The following PDE8B variants were observed in gnomAD, a reference collection of about 807,000 sequenced individuals.
The protein encoded by PDE8B is high affinity cAMP-specific and IBMX-insensitive 3',5'-cyclic phosphodiesterase 8B.
In PDE8B, 26 loss-of-function variants were observed where a neutral mutation model predicts 101.3. The observed-to-expected ratio is 0.26, with a 90% CI of 0.19 to 0.36. The LOEUF is 0.36. Among genes scored for constraint, PDE8B ranks in the 10% least tolerant of loss-of-function variants. PDE8B has a pLI of 1.00. For missense variants in PDE8B, 810 were observed against 1,163.1 expected, an observed-to-expected ratio of 0.70 and a Z score of 4.42; for synonymous variants, 424 against 429.3, an observed-to-expected ratio of 0.99 and a Z score of 0.15.
At position 77,217,622 on chromosome 5, in the gene PDE8B, G is replaced by A. The variant is rs145081261; in HGVS notation, c.339+6358G>A. ...GTGATCTCAGCTAACTGCAACCTCC[G>A]CCTCCCAGGCTGAAGCTATCCTCCT... On this transcript the variant is annotated intron_variant, in intron 1 of 21. Coordinates refer to ENST00000264917, the MANE Select transcript of PDE8B (RefSeq NM_003719.5). Among the ~76,000 whole-genome samples the A allele has an allele frequency of 9.0e-3, 1,363 of 151,214 alleles. 20 individuals carry two copies. Among genetic ancestry groups the A allele is most frequent in the African/African-American group, 0.031 (1,259 of 41,092 alleles).
rs184265580 is a variant in PDE8B, at chr5:77,387,905, G to A, written c.1168-12343G>A. ...TGTGTATGCTTCATGAAGTTCTCGTGCTGTGTTTTTCAGCTACATCAGGTC... is the reference window on the plus strand; with the variant it reads ...TGTGTATGCTTCATGAAGTTCTCGTACTGTGTTTTTCAGCTACATCAGGTC... On this transcript the variant is annotated intron_variant, in intron 10 of 21. Transcript: ENST00000264917. 1.1e-4 allele frequency among the ~76,000 whole-genome samples: 16 copies of A among 152,048 alleles called. 1 individual carries two copies. In the East Asian group the frequency reaches 2.7e-3, roughly 26 times the overall value.
chr5:77,393,695 T>A (rs1449407974), intron 10 of PDE8B, among the ~76,000 whole-genome samples: 1 of 152,228 alleles, frequency 6.6e-6, no homozygotes, highest in Admixed American at 6.5e-5. Context: ...AATTTTGGAT[T>A]TGACATTTTA....
chr5:77,220,005 T>C (rs1409067935), intron 1 of PDE8B, among the ~76,000 whole-genome samples: 1 of 152,146 alleles, frequency 6.6e-6, no homozygotes, highest in East Asian at 1.9e-4. Context: ...CTCTAGGAAG[T>C]GTTGCTGGGA....
chr5:77,281,356 A>C (rs1764959493), intron 1 of PDE8B, among the ~76,000 whole-genome samples: 1 of 152,220 alleles, frequency 6.6e-6, no homozygotes, highest in African/African-American at 2.4e-5. Flanking sequence ...AAATTGCCGC[A>C]AATTTAATGA....
At chr5:77,121,881 G>A in the PDE8B span, among the ~76,000 whole-genome samples, 3 of 152,156 alleles carry the variant, frequency 2.0e-5, no homozygotes, top group Admixed American at 6.6e-5. Context: ...TTTCCATTAC[G>A]TTTCACCTTT....
the PDE8B span, among the ~76,000 whole-genome samples, chr5:77,162,664 G>A: frequency 1.3e-5 from 2 of 152,148 alleles, no homozygotes; most frequent in Non-Finnish European, 2.9e-5. Flanking sequence ...GTTAATGAGA[G>A]TATTCTTCAT....
At chr5:77,233,475 T>C (rs758758957) in intron 1 of PDE8B, among the ~76,000 whole-genome samples, 4 of 152,168 alleles carry the variant, frequency 2.6e-5, no homozygotes, top group Non-Finnish European at 4.4e-5. Context: ...CATTGTAAGA[T>C]ATCAATGGAT....
the PDE8B span, chr5:77,092,666 C>T: frequency 2.0e-5 from 3 of 152,242 alleles, no homozygotes; most frequent in Non-Finnish European, 2.9e-5. Flanking sequence ...CACCTGTAAT[C>T]CCAGCACTTT....
chr5:77,318,092 CA>C (rs1414391632), intron 2 of PDE8B, among the ~76,000 whole-genome samples: 6 of 134,694 alleles, frequency 4.5e-5, no homozygotes, highest in African/African-American at 1.4e-4. Flanking sequence ...ACAACAACAA[CA>C]AAAACCACCT....
intron 6 of PDE8B, among the ~76,000 whole-genome samples, chr5:77,340,733 A>G (rs919395123): frequency 6.6e-6 from 1 of 152,032 alleles, no homozygotes; most frequent in Non-Finnish European, 1.5e-5. Flanking sequence ...AGAGGAAAAC[A>G]CTGAGAACCA....
the PDE8B span, among the ~76,000 whole-genome samples, chr5:77,185,322 A>G: frequency 3.3e-5 from 5 of 152,132 alleles, no homozygotes; most frequent in East Asian, 7.7e-4. Flanking sequence ...ACTATAAGGT[A>G]TCAGCAGCAT....
At chr5:77,143,896 A>G in the PDE8B span, 2 of 136,120 alleles carry the variant, frequency 1.5e-5, no homozygotes, top group Non-Finnish European at 3.0e-5. Flanking sequence ...CGCTCTGATC[A>G]GTGGCAGTCC....
At chr5:77,410,926 G>A (rs548593442) in intron 14 of PDE8B, 1 of 152,182 alleles carries the variant, frequency 6.6e-6, no homozygotes, top group South Asian at 2.1e-4. Context: ...GTGCCATGTT[G>A]GTGTGCATTT....
intron 12 of PDE8B, among the ~76,000 whole-genome samples, chr5:77,406,411 G>A (rs957323626): frequency 2.0e-5 from 3 of 152,256 alleles, no homozygotes; most frequent in African/African-American, 7.2e-5. Flanking sequence ...TATGAATCGA[G>A]AGATTTTTGA....
chr5:77,269,103 G>C (rs1464830033), intron 1 of PDE8B, among the ~76,000 whole-genome samples: 4 of 151,892 alleles, frequency 2.6e-5, no homozygotes, highest in Non-Finnish European at 4.4e-5. Context: ...AACAGTGTAC[G>C]AGGGTTCCCT....
chr5:77,154,004 AT>A, the PDE8B span, among the ~76,000 whole-genome samples: 5 of 152,342 alleles, frequency 3.3e-5, no homozygotes, highest in South Asian at 1.0e-3. Flanking sequence ...TAAGAACCAC[AT>A]TTGATATTGA....
chr5:77,262,029 T>A (rs1760697723), intron 1 of PDE8B, among the ~76,000 whole-genome samples: 1 of 152,212 alleles, frequency 6.6e-6, no homozygotes, highest in Admixed American at 6.5e-5. Flanking sequence ...ATAATTTTTT[T>A]AATGAGGATA....
intron 1 of PDE8B, among the ~76,000 whole-genome samples, chr5:77,293,930 G>A (rs1767942286): frequency 6.6e-6 from 1 of 152,068 alleles, no homozygotes; most frequent in Non-Finnish European, 1.5e-5. Flanking sequence ...AATGTTCTTT[G>A]TGTATGTTGG....
At chr5:77,423,862 C>A (rs539872173) in intron 20 of PDE8B, among the ~76,000 whole-genome samples, 2 of 151,770 alleles carry the variant, frequency 1.3e-5, no homozygotes, top group African/African-American at 4.8e-5. Flanking sequence ...GTCTCGAATT[C>A]CTGAGCTCAG....
Sources: gnomAD v4.1 joint callset for allele counts (sites outside exome capture counted in the v4.1 genomes callset) on GRCh38, gnomAD v4.1.1 for gene constraint, MANE v1.5 for transcripts, NCBI Gene and HGNC (gene_info 2026-07-23, HGNC 2026-07-21) for gene names.